The following CWC27 variants were observed in gnomAD, a reference collection of about 807,000 sequenced individuals.
CWC27 encodes CWC27 spliceosome associated cyclophilin, also known as spliceosome-associated protein CWC27 homolog.
CWC27 carries 47 observed loss-of-function variants against 63.6 expected under a neutral mutation model. The observed-to-expected ratio is 0.74, with a 90% CI of 0.58 to 0.94. The LOEUF is 0.94. Ranked by LOEUF, CWC27 falls within the 40% of genes least tolerant of loss-of-function variation. CWC27 has a pLI of 0.00. For missense variants in CWC27, 495 were observed against 554.3 expected, an observed-to-expected ratio of 0.89 and a Z score of 1.07; for synonymous variants, 175 against 179.8, an observed-to-expected ratio of 0.97 and a Z score of 0.22.
chr5:64,897,022 G>A (rs1013081654), intron 11 of CWC27, among the ~76,000 whole-genome samples: 4 of 152,068 alleles, frequency 2.6e-5, no homozygotes, highest in East Asian at 1.9e-4. Context: ...TACCAGCCTC[G>A]GAAACACAGT....
At chr5:64,979,414 T>C (rs558408882) in intron 13 of CWC27, among the ~76,000 whole-genome samples, 1 of 152,208 alleles carries the variant, frequency 6.6e-6, no homozygotes, top group African/African-American at 2.4e-5. Context: ...CAGAATCAGA[T>C]AGCATATATA....
intron 10 of CWC27, among the ~76,000 whole-genome samples, chr5:64,822,724 T>A (rs10940005): frequency 0.35 from 53,609 of 152,036 alleles, 9,898 homozygotes; most frequent in East Asian, 0.51. Context: ...AATAGATTAA[T>A]TTTTTTAAAA....
intron 1 of CWC27, among the ~76,000 whole-genome samples, chr5:64,769,481 AT>A (rs954621499): frequency 6.6e-6 from 1 of 152,174 alleles, no homozygotes; most frequent in African/African-American, 2.4e-5. Context: ...TTAAACAGAC[AT>A]TTTTGAGTTT....
chr5:64,872,650 G>A (rs1242854286), intron 10 of CWC27, among the ~76,000 whole-genome samples: 2 of 152,004 alleles, frequency 1.3e-5, no homozygotes, highest in East Asian at 3.9e-4. Flanking sequence ...TGTCGGTAAA[G>A]CAAATTTAAC....
chr5:64,798,972 A>T (rs1744378960), intron 7 of CWC27, among the ~76,000 whole-genome samples: 1 of 152,166 alleles, frequency 6.6e-6, no homozygotes, highest in African/African-American at 2.4e-5. Flanking sequence ...GAGGTGTCCC[A>T]CCCTGCAGTA....
chr5:64,795,566 GT>G (rs2112194292), intron 7 of CWC27, among the ~76,000 whole-genome samples: 1 of 152,124 alleles, frequency 6.6e-6, no homozygotes, highest in African/African-American at 2.4e-5. Flanking sequence ...GTATTCTTTG[GT>G]GTGCCCCTTC....
chr5:64,973,219 C>T (rs74396382), intron 12 of CWC27, among the ~76,000 whole-genome samples: 382 of 152,216 alleles, frequency 2.5e-3, no homozygotes, highest in Non-Finnish European at 4.3e-3. Flanking sequence ...ATTTTTAAAC[C>T]ATGTTAAGGA....
rs2112161676 is a variant in CWC27 at position 64,782,148 on chromosome 5, A to G, written c.252+115A>G. On this transcript the variant is annotated intron_variant, in intron 3 of 13. Coordinates refer to ENST00000381070, the MANE Select transcript of CWC27 (RefSeq NM_005869.4). Reference sequence around the variant, plus strand: ...TCCACAAGAGGAAAAAACGTTTCACATTAGTATATAAACATCAGGCTGGGT... The same window carrying G: ...TCCACAAGAGGAAAAAACGTTTCACGTTAGTATATAAACATCAGGCTGGGT... 5.5e-6 allele frequency: 3 copies of G among 545,228 alleles called. No homozygotes were observed. In the South Asian group the frequency reaches 1.1e-4, roughly 21 times the overall value. The allele number at this position is 545,228 out of a possible 1,614,324, so 33.8% of individuals were successfully genotyped here. A position where few individuals can be genotyped will look rare whatever the true frequency, so the allele number is the denominator to read the frequency against.
At chr5:64,846,193 CAT>C (rs760155075) in intron 10 of CWC27, among the ~76,000 whole-genome samples, 1 of 152,160 alleles carries the variant, frequency 6.6e-6, no homozygotes, top group Non-Finnish European at 1.5e-5. Context: ...TTTCATGAAA[CAT>C]ATGAATTGCA....
At chr5:64,897,145 G>T (rs1747397489) in intron 11 of CWC27, among the ~76,000 whole-genome samples, 1 of 152,126 alleles carries the variant, frequency 6.6e-6, no homozygotes, top group Non-Finnish European at 1.5e-5. Context: ...GGAGGCAGAG[G>T]TTGCAATGAG....
chr5:64,791,208 T>G (rs1401192292), intron 7 of CWC27, among the ~76,000 whole-genome samples: 6 of 152,158 alleles, frequency 3.9e-5, no homozygotes, highest in African/African-American at 7.2e-5. Flanking sequence ...AAATTTCTAG[T>G]CTAAAGTAAG....
chr5:64,905,200 C>CAAAAA lies in CWC27; in HGVS notation c.1042+19674_1042+19678dup, dbSNP rs71608574. 2.6e-3 allele frequency among the ~76,000 whole-genome samples: 143 copies of CAAAAA among 55,542 alleles called. 3 individuals are homozygous for CAAAAA. Among genetic ancestry groups the CAAAAA allele is most frequent in the African/African-American group, 8.7e-3 (129 of 14,822 alleles). The allele number at this position is 55,542 out of a possible 152,430, so 36.4% of individuals were successfully genotyped here. A position where few individuals can be genotyped will look rare whatever the true frequency, so the allele number is the denominator to read the frequency against. ...TGGGCGACAGAGCCACACTACATCT[C>CAAAAA]AAAAAAAAAAAAAAAAAAAAAAAAC... On this transcript the variant is annotated intron_variant, in intron 11 of 13. Coordinates refer to ENST00000381070, the MANE Select transcript of CWC27 (RefSeq NM_005869.4).
intron 13 of CWC27, among the ~76,000 whole-genome samples, chr5:64,989,722 T>C (rs558872126): frequency 2.5e-4 from 38 of 152,294 alleles, no homozygotes; most frequent in African/African-American, 9.1e-4. Context: ...GGTTGGAGAC[T>C]CAGGATGGCA....
chr5:64,887,431 G>A (rs1383404414), intron 11 of CWC27, among the ~76,000 whole-genome samples: 3 of 151,956 alleles, frequency 2.0e-5, no homozygotes, highest in Admixed American at 6.6e-5. Context: ...GTGGTGGCGC[G>A]ATCTTGGCTC....
intron 7 of CWC27, among the ~76,000 whole-genome samples, chr5:64,790,697 A>G (rs550729034): frequency 6.6e-6 from 1 of 152,240 alleles, no homozygotes; most frequent in Admixed American, 6.5e-5. Flanking sequence ...CATCCAGGCT[A>G]AGCTAGGTAC....
chr5:64,833,995 A>G (rs1745594182), intron 10 of CWC27, among the ~76,000 whole-genome samples: 1 of 151,560 alleles, frequency 6.6e-6, no homozygotes, highest in Non-Finnish European at 1.5e-5. Flanking sequence ...GAGAATTACC[A>G]AAAATAATAT....
rs115863980 is a variant in CWC27, at chr5:64,951,723, T to C, written c.1043-19980T>C. ...ATTTCTCTGTTCTGGACATTGCATA[T>C]AAATGGATCATATAATATGTAATCT... On this transcript the variant is annotated intron_variant, in intron 11 of 13. Coordinates refer to ENST00000381070, the MANE Select transcript of CWC27 (RefSeq NM_005869.4). Among the ~76,000 whole-genome samples the C allele has an allele frequency of 2.4e-3, 366 of 152,126 alleles. 3 individuals are homozygous for C. Among genetic ancestry groups the C allele is most frequent in the Non-Finnish European group, 4.1e-3 (277 of 67,880 alleles).
intron 5 of CWC27, among the ~76,000 whole-genome samples, chr5:64,785,974 C>CT (rs554767762): frequency 6.8e-4 from 104 of 151,878 alleles, no homozygotes; most frequent in African/African-American, 2.5e-3. Flanking sequence ...ACCATCCTGA[C>CT]TAACACAGTG....
intron 1 of CWC27, among the ~76,000 whole-genome samples, chr5:64,772,267 G>A (rs1269869303): frequency 6.6e-6 from 1 of 152,128 alleles, no homozygotes; most frequent in Non-Finnish European, 1.5e-5. Context: ...TCCATGAGCT[G>A]TGGGGAGAAA....
Sources: gnomAD v4.1 joint callset for allele counts (sites outside exome capture counted in the v4.1 genomes callset) on GRCh38, gnomAD v4.1.1 for gene constraint, MANE v1.5 for transcripts, NCBI Gene and HGNC (gene_info 2026-07-23, HGNC 2026-07-21) for gene names.